The following DLC1 variants were observed in gnomAD, a reference collection of about 807,000 sequenced individuals.
DLC1 encodes DLC1 Rho GTPase activating protein.
DLC1 carries 54 observed loss-of-function variants against 140.3 expected under a neutral mutation model. That is an observed-to-expected ratio of 0.38 (90% CI 0.31 to 0.48). The LOEUF (loss-of-function observed/expected upper bound fraction) is 0.48, where lower values mean the gene tolerates loss of function less well. Ranked by LOEUF, DLC1 falls within the 20% of genes least tolerant of loss-of-function variation. The pLI is 0.96. For synonymous variants in DLC1, 986 were observed against 728.1 expected, an observed-to-expected ratio of 1.35 and a Z score of -5.70; for missense variants, 2,536 against 1,907.0, an observed-to-expected ratio of 1.33 and a Z score of -6.14.
At chr8:13,341,804 G>T (rs1834066984) in intron 4 of DLC1, 1 of 152,188 alleles carries the variant, frequency 6.6e-6, no homozygotes, top group Non-Finnish European at 1.5e-5. Flanking sequence ...ATCAAGGCTA[G>T]CCAAGAGCAG....
chr8:13,287,371 T>C (rs1177977450), intron 5 of DLC1, among the ~76,000 whole-genome samples: 1 of 152,226 alleles, frequency 6.6e-6, no homozygotes, highest in African/African-American at 2.4e-5. Context: ...TATTTTGTTT[T>C]CTTTTCCAAT....
intron 1 of DLC1, among the ~76,000 whole-genome samples, chr8:13,513,521 C>G (rs1197211229): frequency 6.6e-6 from 1 of 152,022 alleles, no homozygotes; most frequent in Non-Finnish European, 1.5e-5. Context: ...GTCAAAATAG[C>G]TCTCCATCTT....
intron 2 of DLC1, among the ~76,000 whole-genome samples, chr8:13,445,398 A>G (rs1798731559): frequency 6.6e-6 from 1 of 152,196 alleles, no homozygotes; most frequent in Non-Finnish European, 1.5e-5. Context: ...TTCAGAGAGA[A>G]AAGCACAGAT....
At chr8:13,225,336 G>A (rs1446729196) in intron 5 of DLC1, among the ~76,000 whole-genome samples, 1 of 152,156 alleles carries the variant, frequency 6.6e-6, no homozygotes, top group Non-Finnish European at 1.5e-5. Flanking sequence ...AGATTTCCCA[G>A]TTAAGTCAAG....
At chr8:13,091,277 C>T (rs768227109) in intron 14 of DLC1, 41 bp downstream of exon 14, 3 of 1,600,272 alleles carry the variant, frequency 1.9e-6, no homozygotes, top group Non-Finnish European at 2.6e-6. Flanking sequence ...TACCTATTCA[C>T]ATTATCCTTA....
chr8:13,479,832 GA>G (rs1563383439), intron 2 of DLC1, among the ~76,000 whole-genome samples: 467 of 20,036 alleles, frequency 0.023, 26 homozygotes, highest in East Asian at 0.034. Flanking sequence ...AGAAGAAGAA[GA>G]AGAAGAAGAA....
intron 2 of DLC1, among the ~76,000 whole-genome samples, chr8:13,454,939 A>T (rs1185353030): frequency 6.6e-6 from 1 of 151,984 alleles, no homozygotes; most frequent in Non-Finnish European, 1.5e-5. Context: ...GAGATAGATA[A>T]GCATGTTTGG....
chr8:13,573,635 G>A (rs1168714089), intron 1 of DLC1, among the ~76,000 whole-genome samples: 2 of 152,104 alleles, frequency 1.3e-5, no homozygotes, highest in Non-Finnish European at 2.9e-5. Context: ...GTAATTCTTA[G>A]TTTATTGAAT....
In DLC1 at chr8:13,425,178, C is replaced by T. The variant is rs554871665; in HGVS notation, c.1024-23559G>A. Among the ~76,000 whole-genome samples the T allele has an allele frequency of 3.3e-5, 5 of 151,864 alleles. No individual in the cohort carries two copies. The South Asian group carries it at 6.2e-4, about 19-fold the overall frequency. On this transcript the variant is annotated intron_variant, in intron 2 of 17. Transcript: ENST00000276297. ...GAAATATGCAAGCTCCATAGATGCA[C>T]GAGTCAAGCGGCTGTTTCCCACAAA...
At chr8:13,548,493 T>C (rs1803730430) in intron 1 of DLC1, among the ~76,000 whole-genome samples, 1 of 152,034 alleles carries the variant, frequency 6.6e-6, no homozygotes, top group African/African-American at 2.4e-5. Context: ...TAAATAACAA[T>C]AATAATTTTT....
chr8:13,393,668 C>G lies in DLC1; in HGVS notation c.1199G>C (p.Gly400Ala), dbSNP rs754639420. 9 of 1,613,920 alleles carry G rather than the reference C, an allele frequency of 5.6e-6. No individual in the cohort carries two copies. Among genetic ancestry groups the G allele is most frequent in the South Asian group, 1.1e-5 (1 of 91,070 alleles). The change falls in exon 4 of 18, where the codon GGA becomes GCA. Residue 400 changes from glycine (G) to alanine (A), a missense_variant. Physicochemically the swap from Gly to Ala is moderately conservative, Grantham distance 60. Coordinates refer to ENST00000276297, the MANE Select transcript of DLC1 (RefSeq NM_182643.3). ...CTGATTTACTGAAATGGTATCTGCT[C>G]CACTTTCAGATCCTGATTCCAGATC... Reference protein sequence around the residue: ...VPDLESGSESGADTISVNQTR... With the variant: ...VPDLESGSESAADTISVNQTR...
In DLC1 at chr8:13,100,033, G is replaced by A; in HGVS notation, c.2304C>T (p.Cys768=). 1 of 1,612,978 alleles carries A rather than the reference G, an allele frequency of 6.2e-7. No individual in the cohort carries two copies. ...PVTRTRSLSA[C]NKRVGMYLEG... Reference sequence around the variant, plus strand: ...CTAAGTACATGCCCACCCGCTTGTTGCACGCACTGAGGCTCCGGGTCCTCG... The same window carrying A: ...CTAAGTACATGCCCACCCGCTTGTTACACGCACTGAGGCTCCGGGTCCTCG... Residue 768 remains cysteine, a synonymous_variant, in exon 9 of 18, where the codon TGC becomes TGT. Transcript: ENST00000276297.
intron 5 of DLC1, chr8:13,304,734 A>G (rs1832346986): frequency 3.1e-6 from 3 of 960,408 alleles, no homozygotes; most frequent in African/African-American, 1.8e-5. Context: ...TTCATTTCTC[A>G]TCAGTCCTTG....
At chr8:13,127,177 C>A (rs1280481352) in intron 5 of DLC1, among the ~76,000 whole-genome samples, 4 of 152,176 alleles carry the variant, frequency 2.6e-5, no homozygotes, top group African/African-American at 9.7e-5. Flanking sequence ...CTTGGGACAC[C>A]CAGCCCCCTA....
rs1359947023 is a variant in DLC1, at chr8:13,567,846, G to A, written c.-126+36691C>T. ...AAAGATCAGAGACAGAGCAGAAGTT[G>A]CAGCGAGATGGAAATAGTGCTTGTC... On this transcript the variant is annotated intron_variant, in intron 1 of 1. Coordinates refer to the DLC1 transcript ENST00000631382. The A allele has an allele frequency of 3.2e-6, 5 of 1,551,692 alleles. No individual in the cohort carries two copies. The South Asian group carries it at 5.9e-5, about 18-fold the overall frequency.
intron 8 of DLC1, 74 bp downstream of exon 8, chr8:13,102,716 A>C: frequency 7.5e-7 from 1 of 1,325,162 alleles, no homozygotes; most frequent in South Asian, 1.2e-5. Flanking sequence ...AACAAAACCT[A>C]TTACAAAACA....
chr8:13,220,843 C>G (rs1244411663), intron 5 of DLC1, among the ~76,000 whole-genome samples: 1 of 152,106 alleles, frequency 6.6e-6, no homozygotes, highest in Non-Finnish European at 1.5e-5. Flanking sequence ...GTCAACTGTT[C>G]ACATGGAGAT....
At chr8:13,326,149 C>A (rs1046500649) in intron 4 of DLC1, among the ~76,000 whole-genome samples, 2 of 152,166 alleles carry the variant, frequency 1.3e-5, no homozygotes, top group Admixed American at 6.5e-5. Flanking sequence ...TCCCCGCTGT[C>A]AAGTGATGCA....
intron 2 of DLC1, among the ~76,000 whole-genome samples, chr8:13,434,635 G>A (rs1388409571): frequency 6.6e-6 from 1 of 152,164 alleles, no homozygotes; most frequent in Non-Finnish European, 1.5e-5. Flanking sequence ...CACATCCACT[G>A]TGCAGCTGAT....
Sources: allele counts gnomAD v4.1 joint callset (sites outside exome capture counted in the v4.1 genomes callset), GRCh38; gene constraint gnomAD v4.1.1; transcripts MANE v1.5; gene names NCBI Gene and HGNC (gene_info 2026-07-23, HGNC 2026-07-21).